The following SLC7A1 variants were observed in gnomAD, a reference collection of about 807,000 sequenced individuals.
SLC7A1 encodes solute carrier family 7 member 1.
Under a neutral mutation model 53.9 loss-of-function variants are expected in SLC7A1, and 10 were observed. That is an observed-to-expected ratio of 0.19 (90% CI 0.11 to 0.31). SLC7A1 has a LOEUF of 0.31. SLC7A1 is among the 10% of genes least tolerant of loss of function. SLC7A1 has a pLI of 1.00. For synonymous variants in SLC7A1, 342 were observed against 338.7 expected (o/e 1.01, Z -0.11); for missense variants, 525 against 827.2 (o/e 0.63, Z 4.48).
At chr13:29,582,066 A>AACCT (rs1369671949) in intron 1 of SLC7A1, among the ~76,000 whole-genome samples, 1 of 152,214 alleles carries the variant, frequency 6.6e-6, no homozygotes, top group Non-Finnish European at 1.5e-5. Context: ...TCCTTAATAT[A>AACCT]ACCTACAAGA....
intron 2 of SLC7A1, among the ~76,000 whole-genome samples, chr13:29,547,373 C>T (rs1354000780): frequency 3.3e-5 from 5 of 152,150 alleles, no homozygotes; most frequent in Non-Finnish European, 5.9e-5. Context: ...AGGACCCAAC[C>T]GGGGCTTCGG....
intron 1 of SLC7A1, among the ~76,000 whole-genome samples, chr13:29,570,955 A>G (rs2139167091): frequency 6.6e-6 from 1 of 152,300 alleles, no homozygotes; most frequent in South Asian, 2.1e-4. Context: ...TATATATGTA[A>G]AGCACTGCAG....
intron 1 of SLC7A1, among the ~76,000 whole-genome samples, chr13:29,566,865 G>C: frequency 6.6e-6 from 1 of 152,158 alleles, no homozygotes; most frequent in East Asian, 1.9e-4. Context: ...ATTTGAACTT[G>C]AACTTCTATT....
chr13:29,575,349 CA>C (rs1285752607), intron 1 of SLC7A1, among the ~76,000 whole-genome samples: 1 of 151,988 alleles, frequency 6.6e-6, no homozygotes, highest in Admixed American at 6.5e-5. Flanking sequence ...ACTCAAACAA[CA>C]AAAAAAGAAG....
At chr13:29,540,560 A>G (rs1275447303) in intron 2 of SLC7A1, among the ~76,000 whole-genome samples, 8 of 152,228 alleles carry the variant, frequency 5.3e-5, no homozygotes, top group African/African-American at 1.7e-4. Context: ...CCTTGAATTT[A>G]ACGGATCATT....
intron 5 of SLC7A1, among the ~76,000 whole-genome samples, chr13:29,526,448 C>T (rs376574364): frequency 6.6e-5 from 10 of 152,116 alleles, no homozygotes; most frequent in Non-Finnish European, 1.2e-4. Flanking sequence ...CCCCAGCCTG[C>T]GCAACTGCAC....
chr13:29,523,277 A>G lies in SLC7A1; in HGVS notation c.1038T>C (p.Ala346=). 1 of 1,613,066 alleles carries G rather than the reference A, an allele frequency of 6.2e-7. No individual in the cohort carries two copies. Among genetic ancestry groups the G allele is most frequent in the Middle Eastern group, 1.7e-4 (1 of 5,988 alleles). Residue 346 remains alanine (A), a synonymous_variant, in exon 7 of 13, where the codon GCT becomes GCC. Transcript: ENST00000380752. The stretch of plus-strand genomic sequence containing the variant: ...GAAAGGCCTCTCACCTGGCGGAAAG[A>G]GCGCAGAGGGAGCCCACGGCCACTG... ...KYAVAVGSLC[A]LSASLLGSMF...
chr13:29,571,387 T>C (rs1232564181), intron 1 of SLC7A1, among the ~76,000 whole-genome samples: 1 of 152,226 alleles, frequency 6.6e-6, no homozygotes, highest in Admixed American at 6.5e-5. Flanking sequence ...CCGATTTTAA[T>C]TTTAAAACAT....
chr13:29,587,143 T>C (rs190838711), intron 1 of SLC7A1, among the ~76,000 whole-genome samples: 1 of 152,278 alleles, frequency 6.6e-6, no homozygotes, highest in Admixed American at 6.5e-5. Flanking sequence ...TTTTCACACA[T>C]AACATAGACT....
chr13:29,570,795 T>C lies in SLC7A1; in HGVS notation c.-114-16935A>G, dbSNP rs145855135. ...TCACTTGAGCCTAGGGAGGTAGAGGTGGCAGTGAGCCATGATCATGCCACT... is the reference window on the plus strand; with the variant it reads ...TCACTTGAGCCTAGGGAGGTAGAGGCGGCAGTGAGCCATGATCATGCCACT... On this transcript the variant is annotated intron_variant, in intron 1 of 12. Coordinates refer to ENST00000380752, the MANE Select transcript of SLC7A1 (RefSeq NM_003045.5). Among the ~76,000 whole-genome samples the C allele has an allele frequency of 3.5e-3, 522 of 149,454 alleles. 4 individuals carry two copies. The highest frequency in any genetic ancestry group is 0.012 in the African/African-American group (489 of 40,368).
At chr13:29,548,306 T>C (rs1051080466) in intron 2 of SLC7A1, among the ~76,000 whole-genome samples, 1 of 152,232 alleles carries the variant, frequency 6.6e-6, no homozygotes. Context: ...TTAGGAGCTA[T>C]ACATTGGAAG....
chr13:29,560,397 TA>T lies in SLC7A1; in HGVS notation c.-114-6538del, dbSNP rs1870699642. ...TTTTCTTGTAAGTAGGACTACACGC[TA>T]AAATAACGATAAATAGTATAGTAAA... On this transcript the variant is annotated intron_variant, in intron 1 of 12. Coordinates refer to ENST00000380752, the MANE Select transcript of SLC7A1 (RefSeq NM_003045.5). Among the ~76,000 whole-genome samples the T allele has an allele frequency of 2.6e-5, 4 of 151,778 alleles. No homozygotes were observed. The South Asian group carries it at 8.3e-4, about 31-fold the overall frequency.
intron 1 of SLC7A1, among the ~76,000 whole-genome samples, chr13:29,569,244 G>C (rs943915449): frequency 1.3e-5 from 2 of 152,086 alleles, no homozygotes. Context: ...CCCTCTCTGC[G>C]GGCTGTCTCA....
At chr13:29,544,097 T>C (rs1287503504) in intron 2 of SLC7A1, among the ~76,000 whole-genome samples, 1 of 152,000 alleles carries the variant, frequency 6.6e-6, no homozygotes, top group Non-Finnish European at 1.5e-5. Context: ...CCCAAACAAA[T>C]AAACAAATAA....
chr13:29,550,136 G>A (rs1364670057), intron 2 of SLC7A1, among the ~76,000 whole-genome samples: 2 of 152,104 alleles, frequency 1.3e-5, no homozygotes, highest in African/African-American at 2.4e-5. Context: ...CCACATTTTC[G>A]TATACAAACA....
intron 1 of SLC7A1, among the ~76,000 whole-genome samples, chr13:29,555,600 C>A (rs1056251877): frequency 6.6e-6 from 1 of 150,758 alleles, no homozygotes; most frequent in Non-Finnish European, 1.5e-5. Flanking sequence ...CCTGGTGCCC[C>A]ACTGCAGGGT....
Position 29,514,343 on chromosome 13 carries a change from G to GTAAT in SLC7A1, c.*133_*136dup. 4.7e-6 allele frequency: 3 copies of GTAAT among 641,286 alleles called. No individual in the cohort carries two copies. The highest frequency in any genetic ancestry group is 4.9e-5 in the Admixed American group (2 of 41,108). 39.7% of individuals were successfully genotyped at this position (641,286 alleles called of 1,614,324 possible). On this transcript the variant is annotated 3_prime_UTR_variant, in exon 13 of 13. Transcript: ENST00000380752. ...AGGGTGGGCTGGGGCTGCAGGTCAA[G>GTAAT]TAATTGCACCTTTGGCTGCAGTGAG...
At chr13:29,560,634 C>G (rs1411577961) in intron 1 of SLC7A1, among the ~76,000 whole-genome samples, 2 of 152,064 alleles carry the variant, frequency 1.3e-5, no homozygotes, top group East Asian at 3.8e-4. Flanking sequence ...TGCAGTATGT[C>G]TGTTAACCCC....
At chr13:29,580,209 C>G (rs545446614) in intron 1 of SLC7A1, among the ~76,000 whole-genome samples, 2 of 152,270 alleles carry the variant, frequency 1.3e-5, no homozygotes, top group South Asian at 2.1e-4. Flanking sequence ...CTCTCTAACT[C>G]CAGGCCGTGA....
Sources: gnomAD v4.1 joint callset for allele counts (sites outside exome capture counted in the v4.1 genomes callset) on GRCh38, gnomAD v4.1.1 for gene constraint, MANE v1.5 for transcripts, NCBI Gene and HGNC (gene_info 2026-07-23, HGNC 2026-07-21) for gene names.